The following KCNB2 variants were observed in gnomAD, a reference collection of about 807,000 sequenced individuals.
KCNB2 encodes delayed rectifier potassium channel protein.
In KCNB2, 15 loss-of-function variants were observed where a neutral mutation model predicts 61.5. The ratio of observed to expected loss-of-function variants is 0.24; its 90% CI spans 0.16 to 0.38. The LOEUF (loss-of-function observed/expected upper bound fraction) is 0.38, where lower values mean the gene tolerates loss of function less well. KCNB2 is among the 10% of genes least tolerant of loss of function. The pLI is 1.00. For missense variants in KCNB2, 828 were observed against 1,125.2 expected, an observed-to-expected ratio of 0.74 and a Z score of 3.78; for synonymous variants, 457 against 446.0, an observed-to-expected ratio of 1.02 and a Z score of -0.31.
At chr8:72,737,037 T>G (rs959684398) in intron 2 of KCNB2, among the ~76,000 whole-genome samples, 1 of 152,100 alleles carries the variant, frequency 6.6e-6, no homozygotes, top group Non-Finnish European at 1.5e-5. Flanking sequence ...TGCTATTTTT[T>G]TTTTTTGCTC....
intron 2 of KCNB2, among the ~76,000 whole-genome samples, chr8:72,712,201 A>AATG (rs1418363229): frequency 6.6e-6 from 1 of 152,204 alleles, no homozygotes; most frequent in African/African-American, 2.4e-5. Context: ...AAGAGAAGGC[A>AATG]ATGAGGTGAT....
At position 72,537,436 on chromosome 8, in the gene KCNB2, G is replaced by A. The variant is rs914148207; in HGVS notation, c.-543G>A. The A allele has an allele frequency of 6.5e-6, 1 of 152,768 alleles. No individual in the cohort carries two copies. The highest frequency in any genetic ancestry group is 1.5e-5 in the Non-Finnish European group (1 of 68,068). 9.5% of individuals were successfully genotyped at this position (152,768 alleles called of 1,614,324 possible). On this transcript the variant is annotated 5_prime_UTR_variant, in exon 1 of 3. Coordinates refer to ENST00000523207, the MANE Select transcript of KCNB2 (RefSeq NM_004770.3). Reference sequence around the variant, plus strand: ...CAGCCCCAGCGAGCGGCAACTCCCGGGCTGGCGCGGCTCGCTTTCTGGCTC... The same window carrying A: ...CAGCCCCAGCGAGCGGCAACTCCCGAGCTGGCGCGGCTCGCTTTCTGGCTC...
At chr8:72,824,824 G>A (rs137934420) in intron 2 of KCNB2, among the ~76,000 whole-genome samples, 94 of 152,188 alleles carry the variant, frequency 6.2e-4, no homozygotes, top group African/African-American at 2.1e-3. Flanking sequence ...GGCTTCCTCC[G>A]TAGACCTCCT....
At chr8:72,607,164 C>T (rs1805463291) in intron 2 of KCNB2, among the ~76,000 whole-genome samples, 1 of 152,100 alleles carries the variant, frequency 6.6e-6, no homozygotes. Flanking sequence ...TTTTGAGCAG[C>T]ATGGGCAGTG....
chr8:72,764,235 G>A (rs1009392502), intron 2 of KCNB2, among the ~76,000 whole-genome samples: 2 of 152,142 alleles, frequency 1.3e-5, no homozygotes, highest in African/African-American at 4.8e-5. Flanking sequence ...CTGGATGATA[G>A]GCAACCAGCA....
intron 2 of KCNB2, among the ~76,000 whole-genome samples, chr8:72,907,140 C>T (rs770867104): frequency 9.2e-5 from 14 of 152,058 alleles, no homozygotes; most frequent in East Asian, 1.9e-4. Context: ...AGGTGGATCA[C>T]GAGGTCAAGA....
intron 2 of KCNB2, among the ~76,000 whole-genome samples, chr8:72,617,010 C>T (rs1317962027): frequency 1.3e-5 from 2 of 152,168 alleles, no homozygotes; most frequent in Non-Finnish European, 2.9e-5. Context: ...CTTCACACCT[C>T]GAGCCAGGTG....
chr8:72,833,444 A>G (rs1550461), intron 2 of KCNB2, among the ~76,000 whole-genome samples: 125,332 of 152,090 alleles, frequency 0.82, 52,360 homozygotes, highest in African/African-American at 0.95. Flanking sequence ...AGGTTCTAGC[A>G]TAGGAGAGGT....
At chr8:72,735,264 T>C (rs1467067574) in intron 2 of KCNB2, among the ~76,000 whole-genome samples, 1 of 152,210 alleles carries the variant, frequency 6.6e-6, no homozygotes, top group Non-Finnish European at 1.5e-5. Context: ...CTTTTTTTTA[T>C]TATTTCTTGT....
intron 2 of KCNB2, among the ~76,000 whole-genome samples, chr8:72,886,665 A>G (rs1805811613): frequency 1.3e-5 from 2 of 152,336 alleles, no homozygotes; most frequent in East Asian, 1.9e-4. Flanking sequence ...CACAAAGCCT[A>G]GAGCTGGCCT....
At chr8:72,745,438 C>T (rs548014229) in intron 2 of KCNB2, among the ~76,000 whole-genome samples, 1 of 152,210 alleles carries the variant, frequency 6.6e-6, no homozygotes, top group Admixed American at 6.5e-5. Flanking sequence ...ATTCCTACTA[C>T]CCTTGTAGGT....
chr8:72,584,730 AAGGCATGGTCTTAT>A (rs1335147642), intron 2 of KCNB2, among the ~76,000 whole-genome samples: 2 of 152,162 alleles, frequency 1.3e-5, no homozygotes, highest in African/African-American at 4.8e-5. Context: ...TTGAATGAAA[AAGGCATGGTCTTAT>A]ACATTTATAA....
At chr8:72,839,198 T>C (rs6999652) in intron 2 of KCNB2, among the ~76,000 whole-genome samples, 129,786 of 152,174 alleles carry the variant, frequency 0.85, 56,314 homozygotes, top group Middle Eastern at 0.97. Flanking sequence ...TTATGTTCTT[T>C]TCTCTGAATT....
In KCNB2 at chr8:72,937,036, C is replaced by A; in HGVS notation, c.1681C>A (p.Gln561Lys). The A allele has an allele frequency of 6.2e-7, 1 of 1,614,016 alleles. No homozygotes were observed. Among genetic ancestry groups the A allele is most frequent in the Non-Finnish European group, 8.5e-7 (1 of 1,179,990 alleles). ...TCATTCTCACCCAAACCCAGACTGC[C>A]AAGAAAAGCCTGAGAGGCCATCTGC... ...QPHSHPNPDC[Q>K]EKPERPSAYE... is the part of the protein sequence containing the mutation. The change falls in exon 3 of 3, where the codon CAA becomes AAA. Residue 561 changes from glutamine to lysine, a missense_variant. Gln to Lys is a moderately conservative substitution (Grantham distance 53). Transcript: ENST00000523207.
At chr8:72,639,822 A>G (rs1806025520) in intron 2 of KCNB2, among the ~76,000 whole-genome samples, 1 of 152,040 alleles carries the variant, frequency 6.6e-6, no homozygotes, top group Non-Finnish European at 1.5e-5. Context: ...AGCTAATCTA[A>G]TGGATAGCCA....
chr8:72,834,126 C>G (rs1809741388), intron 2 of KCNB2, among the ~76,000 whole-genome samples: 1 of 152,140 alleles, frequency 6.6e-6, no homozygotes. Flanking sequence ...ATTTATGCAT[C>G]TGTGTGAGAC....
At chr8:72,552,001 G>A (rs1336812010) in intron 1 of KCNB2, among the ~76,000 whole-genome samples, 2 of 152,118 alleles carry the variant, frequency 1.3e-5, no homozygotes, top group African/African-American at 4.8e-5. Flanking sequence ...GGCAGGATAG[G>A]ACCAGAGCAA....
At chr8:72,583,518 T>G (rs1806941319) in intron 2 of KCNB2, among the ~76,000 whole-genome samples, 1 of 152,130 alleles carries the variant, frequency 6.6e-6, no homozygotes, top group Admixed American at 6.5e-5. Flanking sequence ...TGCTGTTAAT[T>G]ATTTGTGCAC....
intron 2 of KCNB2, among the ~76,000 whole-genome samples, chr8:72,609,550 A>G (rs997622872): frequency 6.6e-6 from 1 of 152,242 alleles, no homozygotes; most frequent in Non-Finnish European, 1.5e-5. Context: ...AATGAATATT[A>G]TTAGAATTTT....
Sources: gnomAD v4.1 joint callset for allele counts (sites outside exome capture counted in the v4.1 genomes callset) on GRCh38, gnomAD v4.1.1 for gene constraint, MANE v1.5 for transcripts, NCBI Gene and HGNC (gene_info 2026-07-23, HGNC 2026-07-21) for gene names.